The following TLK1 variants were observed in gnomAD, a reference collection of about 807,000 sequenced individuals.
TLK1 encodes tousled like kinase 1, also known as serine/threonine-protein kinase tousled-like 1.
Under a neutral mutation model 105.3 loss-of-function variants are expected in TLK1, and 24 were observed. That is an observed-to-expected ratio of 0.23 (90% confidence interval 0.17 to 0.32). The LOEUF is 0.32. Among genes scored for constraint, TLK1 ranks in the 10% least tolerant of loss-of-function variants. The pLI is 1.00. For synonymous variants in TLK1, 321 were observed against 310.4 expected (o/e 1.03, Z -0.36); for missense variants, 558 against 910.5 (o/e 0.61, Z 4.98).
In TLK1 at chr2:170,991,355, C is replaced by T. The variant is rs1299873553; in HGVS notation, c.*2425G>A. The stretch of plus-strand genomic sequence containing the variant: ...GAAATCATTTAGCAATAGATACCAA[C>T]TTTCCATGTGAGGGTAAAAGTAAGT... On this transcript the variant is annotated 3_prime_UTR_variant, in exon 21 of 21. Coordinates refer to ENST00000431350, the MANE Select transcript of TLK1 (RefSeq NM_012290.5). 1.3e-5 allele frequency: 2 copies of T among 152,194 alleles called. No individual in the cohort carries two copies. Among genetic ancestry groups the T allele is most frequent in the Admixed American group, 1.3e-4 (2 of 15,280 alleles). The allele number at this position is 152,194 out of a possible 1,614,324, so 9.4% of individuals were successfully genotyped here.
chr2:171,123,859 GTATT>G (rs1230048727), intron 1 of TLK1, among the ~76,000 whole-genome samples: 5 of 152,130 alleles, frequency 3.3e-5, no homozygotes, highest in South Asian at 2.1e-4. Context: ...GAGACTGTAT[GTATT>G]TGTCTTTGAA....
chr2:171,178,557 C>T (rs1273023623), intron 1 of TLK1, among the ~76,000 whole-genome samples: 2 of 152,252 alleles, frequency 1.3e-5, no homozygotes, highest in East Asian at 1.9e-4. Flanking sequence ...AGCTAGAGAG[C>T]AGGCAAAAAC....
chr2:171,205,152 A>G (rs979509137), intron 1 of TLK1, among the ~76,000 whole-genome samples: 5 of 152,070 alleles, frequency 3.3e-5, no homozygotes, highest in Non-Finnish European at 7.4e-5. Context: ...GTTAGAGGTC[A>G]CAGTGGGCCA....
At chr2:171,098,650 A>G (rs1485714253) in intron 2 of TLK1, among the ~76,000 whole-genome samples, 1 of 152,198 alleles carries the variant, frequency 6.6e-6, no homozygotes, top group African/African-American at 2.4e-5. Flanking sequence ...CCTGATAGTG[A>G]AACCAGATAA....
chr2:171,162,506 C>T (rs534591559), upstream of TLK1, among the ~76,000 whole-genome samples: 5 of 152,296 alleles, frequency 3.3e-5, no homozygotes, highest in East Asian at 9.7e-4. Context: ...ACGTTGCACT[C>T]CAGCCTGGGC....
chr2:171,020,417 G>T (rs867315573), intron 12 of TLK1, among the ~76,000 whole-genome samples: 1 of 151,948 alleles, frequency 6.6e-6, no homozygotes, highest in Non-Finnish European at 1.5e-5. Flanking sequence ...GCAGGAGCCT[G>T]TAGTCCCAGC....
intron 1 of TLK1, among the ~76,000 whole-genome samples, chr2:171,225,397 C>T (rs1693880013): frequency 6.6e-6 from 1 of 151,960 alleles, no homozygotes; most frequent in Non-Finnish European, 1.5e-5. Flanking sequence ...CATCATTAGT[C>T]ATCAGGGACT....
At chr2:171,050,303 A>AT in intron 8 of TLK1, 129 bp from the exon 9 acceptor site, 2 of 574,546 alleles carry the variant, frequency 3.5e-6, no homozygotes, top group East Asian at 3.2e-5. Context: ...GTATGATACG[A>AT]GAAAAAAAAA....
chr2:171,155,336 T>C (rs944540851), intron 1 of TLK1, among the ~76,000 whole-genome samples: 4 of 152,212 alleles, frequency 2.6e-5, no homozygotes. Context: ...CATTTGGTTC[T>C]CTAAAATGTC....
chr2:171,198,262 T>G (rs1319140847), intron 1 of TLK1, among the ~76,000 whole-genome samples: 1 of 152,198 alleles, frequency 6.6e-6, no homozygotes, highest in Non-Finnish European at 1.5e-5. Flanking sequence ...GACATGCATA[T>G]TTAATGTGTG....
At chr2:171,209,295 T>C (rs1281396712) in intron 1 of TLK1, among the ~76,000 whole-genome samples, 1 of 152,216 alleles carries the variant, frequency 6.6e-6, no homozygotes. Flanking sequence ...ATTTATCTTT[T>C]TATATTGTTT....
intron 20 of TLK1, chr2:170,994,612 A>T (rs1575493082): frequency 2.0e-6 from 1 of 494,066 alleles, no homozygotes. Flanking sequence ...TGCATAGCAC[A>T]AAGTAAATAC....
chr2:171,035,796 G>A (rs1686300962), intron 11 of TLK1, among the ~76,000 whole-genome samples: 2 of 152,076 alleles, frequency 1.3e-5, no homozygotes, highest in African/African-American at 4.8e-5. Context: ...ACACTTGACT[G>A]GCCGCTGCTG....
intron 8 of TLK1, among the ~76,000 whole-genome samples, chr2:171,051,064 G>GT (rs371839826): frequency 6.6e-6 from 1 of 152,296 alleles, no homozygotes; most frequent in African/African-American, 2.4e-5. Context: ...CAACACAGTT[G>GT]TTTTTCAAGG....
intron 13 of TLK1, 62 bp from the exon 14 acceptor site, chr2:171,011,516 T>A (rs2105368889): frequency 1.4e-6 from 2 of 1,397,286 alleles, no homozygotes; most frequent in East Asian, 4.6e-5. Flanking sequence ...CCTTCTACAC[T>A]GAAGTTCTAC....
At chr2:170,999,715 G>A (rs1220309834) in intron 18 of TLK1, among the ~76,000 whole-genome samples, 1 of 152,102 alleles carries the variant, frequency 6.6e-6, no homozygotes, top group Non-Finnish European at 1.5e-5. Context: ...ACAATATAGG[G>A]GTTGGAGGCA....
intron 2 of TLK1, among the ~76,000 whole-genome samples, chr2:171,093,786 C>T (rs1689340861): frequency 6.6e-6 from 1 of 152,132 alleles, no homozygotes; most frequent in Non-Finnish European, 1.5e-5. Flanking sequence ...GGAAGAATGT[C>T]TGTAGGGCTA....
chr2:171,022,086 A>AAAACACACACAC (rs1553605634), intron 12 of TLK1, among the ~76,000 whole-genome samples: 6 of 103,010 alleles, frequency 5.8e-5, no homozygotes, highest in African/African-American at 1.8e-4. Flanking sequence ...CTGGGCGAAA[A>AAAACACACACAC]ACACACACAC....
rs1465850918 is a variant in TLK1, at chr2:171,011,398, C to G, written c.1391G>C (p.Arg464Thr). ...CTTATACACTTCACTAAAGCCACCT[C>G]TACCAAGCAGATGAAGTAATAAATA... Reference protein sequence around the residue: ...ERYLLLHLLGRGGFSEVYKAF... With the variant: ...ERYLLLHLLGTGGFSEVYKAF... Residue 464 changes from arginine (R) to threonine (T), a missense_variant, in exon 14 of 21, where the codon AGA becomes ACA. Transcript: ENST00000431350. The G allele has an allele frequency of 6.2e-7, 1 of 1,613,298 alleles. No individual in the cohort carries two copies. Among genetic ancestry groups the G allele is most frequent in the Non-Finnish European group, 8.5e-7 (1 of 1,179,698 alleles).
Sources: allele counts gnomAD v4.1 joint callset (sites outside exome capture counted in the v4.1 genomes callset), GRCh38; gene constraint gnomAD v4.1.1; transcripts MANE v1.5; gene names NCBI Gene and HGNC (gene_info 2026-07-23, HGNC 2026-07-21).